Variants in ARL15 observed in about 807,000 individuals in gnomAD.
The protein encoded by ARL15 is ARF like GTPase 15.
ARL15 carries 19 observed loss-of-function variants against 25.2 expected under a neutral mutation model. That is an observed-to-expected ratio of 0.75 (90% CI 0.53 to 1.10). The LOEUF is 1.10. ARL15 is among the 50% of genes least tolerant of loss of function. ARL15 has a pLI of 0.00. For synonymous variants in ARL15, 94 were observed against 86.8 expected, an observed-to-expected ratio of 1.08 and a Z score of -0.46; for missense variants, 220 against 246.0, an observed-to-expected ratio of 0.89 and a Z score of 0.71.
chr5:53,941,116 G>T (rs891799828), intron 4 of ARL15, among the ~76,000 whole-genome samples: 8 of 152,002 alleles, frequency 5.3e-5, no homozygotes, highest in African/African-American at 1.9e-4. Flanking sequence ...AATGTTATTT[G>T]TTAAACCAAA....
chr5:54,187,024 A>C (rs920583769), intron 1 of ARL15, among the ~76,000 whole-genome samples: 3 of 152,210 alleles, frequency 2.0e-5, no homozygotes, highest in Non-Finnish European at 4.4e-5. Flanking sequence ...GATTGCAAAT[A>C]ACAGAAAAGC....
intron 4 of ARL15, among the ~76,000 whole-genome samples, chr5:53,981,663 A>G (rs1422439494): frequency 6.6e-6 from 1 of 152,194 alleles, no homozygotes; most frequent in Non-Finnish European, 1.5e-5. Context: ...TGGGAGGCTG[A>G]GGCAGGCGGA....
chr5:54,179,001 C>G (rs1754969276), intron 1 of ARL15, among the ~76,000 whole-genome samples: 1 of 152,122 alleles, frequency 6.6e-6, no homozygotes, highest in East Asian at 1.9e-4. Context: ...ATTAATTCAT[C>G]TATTCCCTAG....
intron 4 of ARL15, among the ~76,000 whole-genome samples, chr5:54,048,976 T>C (rs1221033686): frequency 6.6e-6 from 1 of 151,960 alleles, no homozygotes; most frequent in East Asian, 1.9e-4. Flanking sequence ...CCTGAACCCA[T>C]CCTGTGGTTA....
chr5:54,137,802 T>C (rs985532324), intron 3 of ARL15, among the ~76,000 whole-genome samples: 1 of 152,164 alleles, frequency 6.6e-6, no homozygotes, highest in African/African-American at 2.4e-5. Flanking sequence ...ATGTGAATTT[T>C]AAATTGTATA....
At chr5:54,186,251 A>C (rs1453478265) in intron 1 of ARL15, among the ~76,000 whole-genome samples, 1 of 152,210 alleles carries the variant, frequency 6.6e-6, no homozygotes, top group Non-Finnish European at 1.5e-5. Flanking sequence ...TAGCGCGGAG[A>C]AGCCAATACG....
intron 1 of ARL15, among the ~76,000 whole-genome samples, chr5:54,209,020 T>C (rs915142621): frequency 2.6e-5 from 4 of 152,040 alleles, no homozygotes; most frequent in African/African-American, 9.7e-5. Flanking sequence ...AATGACAAAA[T>C]AGGACAATGA....
chr5:54,068,336 G>A (rs1751311562), intron 4 of ARL15, among the ~76,000 whole-genome samples: 1 of 152,166 alleles, frequency 6.6e-6, no homozygotes, highest in South Asian at 2.1e-4. Flanking sequence ...GGAACAGAAA[G>A]CACAATTCAA....
intron 4 of ARL15, among the ~76,000 whole-genome samples, chr5:53,902,126 T>C (rs2111942512): frequency 6.6e-6 from 1 of 152,364 alleles, no homozygotes; most frequent in Non-Finnish European, 1.5e-5. Context: ...ACATTCTCAA[T>C]TTTCTTAAAA....
chr5:54,083,800 A>G (rs1297470407), intron 4 of ARL15, among the ~76,000 whole-genome samples: 2 of 152,204 alleles, frequency 1.3e-5, no homozygotes, highest in Non-Finnish European at 2.9e-5. Context: ...AGTTTTGAGT[A>G]CCATTTAATC....
At chr5:54,227,265 G>A (rs1465237492) in intron 1 of ARL15, among the ~76,000 whole-genome samples, 1 of 152,138 alleles carries the variant, frequency 6.6e-6, no homozygotes, top group Non-Finnish European at 1.5e-5. Flanking sequence ...GAAGGAGGAG[G>A]CCTGATGACA....
chr5:53,993,088 G>GA (rs949039820), intron 4 of ARL15, among the ~76,000 whole-genome samples: 4 of 149,458 alleles, frequency 2.7e-5, no homozygotes, highest in Admixed American at 6.7e-5. Context: ...TTTCTTTGTG[G>GA]AAAAAAAGAT....
rs767150861 is a variant in ARL15, at chr5:54,113,214, G to A, written c.450C>T (p.Arg150=). The A allele has an allele frequency of 6.2e-7, 1 of 1,613,498 alleles. No individual in the cohort carries two copies. The highest frequency in any genetic ancestry group is 8.5e-7 in the Non-Finnish European group (1 of 1,179,854). The change falls in exon 4 of 5, where the codon CGC becomes CGT. Residue 150 remains arginine (R), a synonymous_variant. Transcript: ENST00000504924. ...TAATGAGACATACCTCTTGTACTGA[G>A]CGAGCTGCTGGCTTGTCTTGATGAT... ...LANHQDKPAA[R]SVQEIKKYFE...
chr5:53,945,000 A>G (rs570897776), intron 4 of ARL15, among the ~76,000 whole-genome samples: 31 of 152,302 alleles, frequency 2.0e-4, no homozygotes, highest in African/African-American at 6.7e-4. Flanking sequence ...TGAAAAACAA[A>G]TACTGATTCC....
chr5:54,144,589 C>G (rs539301953), intron 3 of ARL15, among the ~76,000 whole-genome samples: 2 of 152,190 alleles, frequency 1.3e-5, no homozygotes, highest in East Asian at 3.9e-4. Context: ...TTTCATTTGG[C>G]ATCTTTCTTT....
Position 54,209,018 on chromosome 5 carries a change from A to C in ARL15, c.49-37090T>G, listed in dbSNP as rs1221031881. 3.0e-4 allele frequency among the ~76,000 whole-genome samples: 46 copies of C among 152,334 alleles called. 1 individual carries two copies. Among genetic ancestry groups the C allele is most frequent in the Non-Finnish European group, 7.3e-5 (5 of 68,032 alleles). The stretch of plus-strand genomic sequence containing the variant: ...ACGTAGCAAACTAAGTAAATGACAA[A>C]ATAGGACAATGACTAACTCAAGAGA... On this transcript the variant is annotated intron_variant, in intron 1 of 4. Transcript: ENST00000504924.
chr5:54,192,259 ATAAGT>A (rs1323866479), intron 1 of ARL15, among the ~76,000 whole-genome samples: 2 of 142,676 alleles, frequency 1.4e-5, no homozygotes, highest in African/African-American at 5.4e-5. Flanking sequence ...AACTTAAAGT[ATAAGT>A]AAAAAAAAAA....
chr5:53,939,340 A>C (rs1472711786), intron 4 of ARL15, among the ~76,000 whole-genome samples: 2 of 152,152 alleles, frequency 1.3e-5, no homozygotes, highest in Non-Finnish European at 2.9e-5. Context: ...TTTCCATTTT[A>C]CTGACATTAC....
At chr5:54,136,283 A>G (rs939759195) in intron 3 of ARL15, among the ~76,000 whole-genome samples, 1 of 152,256 alleles carries the variant, frequency 6.6e-6, no homozygotes, top group African/African-American at 2.4e-5. Context: ...AAATACCTTC[A>G]ATAGCCAGCT....
Sources: allele counts gnomAD v4.1 joint callset (sites outside exome capture counted in the v4.1 genomes callset), GRCh38; gene constraint gnomAD v4.1.1; transcripts MANE v1.5; gene names NCBI Gene and HGNC (gene_info 2026-07-23, HGNC 2026-07-21).